The following RGCC variants were observed in gnomAD, a reference collection of about 807,000 sequenced individuals.
RGCC encodes the protein regulator of cell cycle.
A neutral mutation model predicts 15.4 loss-of-function variants in RGCC; 15 were observed. The observed-to-expected ratio is 0.97, with a 90% CI of 0.65 to 1.50. RGCC has a LOEUF of 1.50. RGCC is among the 40% of genes most tolerant of loss of function. The probability of loss-of-function intolerance (pLI) is 0.00; values close to 1 mark genes in which losing one functional copy is unlikely to be tolerated. For synonymous variants in RGCC, 81 were observed against 78.0 expected, an observed-to-expected ratio of 1.04 and a Z score of -0.20; for missense variants, 176 against 189.7, an observed-to-expected ratio of 0.93 and a Z score of 0.42.
At position 41,457,566 on chromosome 13, in the gene RGCC, G is replaced by A. The variant is rs1019425482; in HGVS notation, c.-142G>A. The A allele has an allele frequency of 2.2e-6, 3 of 1,364,742 alleles. No individual in the cohort carries two copies. The highest frequency in any genetic ancestry group is 3.2e-5 in the East Asian group (1 of 30,974). The allele number at this position is 1,364,742 out of a possible 1,614,324, so 84.5% of individuals were successfully genotyped here. On this transcript the variant is annotated 5_prime_UTR_variant, in exon 1 of 5. In the 5' UTR this introduces an upstream ATG that the reference lacks. Transcript: ENST00000379359. This position sits in a 1 kb window ranked among gnomAD's most constrained non-coding sequence, Gnocchi z 4.9. ...GCCGGTGGTAGGGCGGGCGCGGACC[G>A]TGCTGGGAGCGGCGCGGCTGGAGCG...
chr13:41,464,735 TG>T (rs1742889204), intron 2 of RGCC, among the ~76,000 whole-genome samples: 1 of 152,162 alleles, frequency 6.6e-6, no homozygotes, highest in Non-Finnish European at 1.5e-5. Flanking sequence ...AATGTATTTT[TG>T]GGGAAGTGTA....
At position 41,466,945 on chromosome 13, in the gene RGCC, T is replaced by G; in HGVS notation, c.343+15T>G. 3 of 1,588,830 alleles carry G rather than the reference T, an allele frequency of 1.9e-6. No homozygotes were observed. Among genetic ancestry groups the G allele is most frequent in the Non-Finnish European group, 2.6e-6 (3 of 1,157,252 alleles). Reference sequence around the variant, plus strand: ...TCCTCAGAAAGGTAAGGTCATTAGTTGGAATTTGAGTTTTTTGCTTTTTTA... The same window carrying G: ...TCCTCAGAAAGGTAAGGTCATTAGTGGGAATTTGAGTTTTTTGCTTTTTTA... On this transcript the variant is annotated intron_variant, in intron 3 of 4. Transcript: ENST00000379359.
At chr13:41,469,286 TAATAATAATAAGAAG>T (rs780398168) in intron 4 of RGCC, among the ~76,000 whole-genome samples, 11,763 of 113,498 alleles carry the variant, frequency 0.1, 646 homozygotes, top group Non-Finnish European at 0.14. Context: ...ATAATAATAA[TAATAATAATAAGAAG>T]AAGAAGAAGA....
intron 4 of RGCC, among the ~76,000 whole-genome samples, chr13:41,470,122 G>A (rs886301710): frequency 2.6e-5 from 4 of 151,762 alleles, no homozygotes; most frequent in Admixed American, 2.0e-4. Flanking sequence ...TAACACTCTT[G>A]CAGACAAACC....
At position 41,458,361 on chromosome 13, in the gene RGCC, C is replaced by A. The variant is rs762526698; in HGVS notation, c.126C>A (p.Phe42Leu). 16 of 1,593,602 alleles carry A rather than the reference C, an allele frequency of 1.0e-5. No homozygotes were observed. Among genetic ancestry groups the A allele is most frequent in the Non-Finnish European group, 1.3e-5 (15 of 1,176,034 alleles). Residue 42 changes from phenylalanine (F) to leucine (L), a missense_variant, in exon 2 of 5, where the codon TTC (phenylalanine) becomes TTA (leucine). Physicochemically the swap from Phe to Leu is conservative, Grantham distance 22. Coordinates refer to ENST00000379359, the MANE Select transcript of RGCC (RefSeq NM_014059.3). This position sits in a 1 kb window ranked among gnomAD's most constrained non-coding sequence, Gnocchi z 4.4. ...LCEFDAVLAD[F>L]ASPFHERHFH... Reference sequence around the variant, plus strand: ...AGTTTGACGCGGTGCTGGCCGACTTCGCGTCGCCCTTCCACGAGCGCCACT... The same window carrying A: ...AGTTTGACGCGGTGCTGGCCGACTTAGCGTCGCCCTTCCACGAGCGCCACT...
chr13:41,462,581 A>G (rs2043827089), intron 2 of RGCC, among the ~76,000 whole-genome samples: 1 of 152,156 alleles, frequency 6.6e-6, no homozygotes, highest in Non-Finnish European at 1.5e-5. Context: ...GGGTTCCCCA[A>G]ATTATCACTG....
rs1801470295 is a variant in RGCC, at chr13:41,458,610, C to T, written c.235+140C>T. On this transcript the variant is annotated intron_variant, in intron 2 of 4. Transcript: ENST00000379359. This position sits in a 1 kb window ranked among gnomAD's most constrained non-coding sequence, Gnocchi z 4.4. ...CTCAACGCAGTAGGCCGAGTGGTGG[C>T]GGGGCCCCTGACGATAATCACGGGA... 2 of 995,790 alleles carry T rather than the reference C, an allele frequency of 2.0e-6. No homozygotes were observed. Among genetic ancestry groups the T allele is most frequent in the African/African-American group, 1.6e-5 (1 of 60,924 alleles). 61.7% of individuals were successfully genotyped at this position (995,790 alleles called of 1,614,324 possible).
intron 4 of RGCC, 81 bp downstream of exon 4, chr13:41,468,919 C>A: frequency 1.8e-6 from 2 of 1,106,512 alleles, no homozygotes; most frequent in Non-Finnish European, 2.7e-6. Context: ...TGTTAACCAG[C>A]TTGCCCTGGG....
intron 4 of RGCC, among the ~76,000 whole-genome samples, chr13:41,469,295 T>TAATAATAAGAAG (rs869157194): frequency 2.2e-3 from 189 of 86,736 alleles, no homozygotes; most frequent in African/African-American, 6.5e-3. Context: ...ATAATAATAA[T>TAATAATAAGAAG]AAGAAGAAGA....
chr13:41,459,623 G>A (rs1014762523), intron 2 of RGCC, among the ~76,000 whole-genome samples: 1 of 152,256 alleles, frequency 6.6e-6, no homozygotes, highest in Admixed American at 6.5e-5. Flanking sequence ...CTGCCAAAGA[G>A]TTAGACCAAG....
chr13:41,460,141 T>C (rs1349223693), intron 2 of RGCC, among the ~76,000 whole-genome samples: 1 of 152,220 alleles, frequency 6.6e-6, no homozygotes, highest in Non-Finnish European at 1.5e-5. Flanking sequence ...ACCCTTAGTT[T>C]GGTGGTTAGA....
At chr13:41,460,323 T>C (rs1159741084) in intron 2 of RGCC, among the ~76,000 whole-genome samples, 2 of 152,352 alleles carry the variant, frequency 1.3e-5, no homozygotes, top group Middle Eastern at 3.4e-3. Flanking sequence ...TGCCAAGAAT[T>C]GAGTACAGAC....
rs1257483884 is a variant in RGCC at position 41,458,237 on chromosome 13, C to T, written c.50-48C>T. ...CCCTCCTGGCCCTGGGAGGTGGTCC[C>T]GCTGCCCCCCTGACTTCCGTGCACT... On this transcript the variant is annotated intron_variant, in intron 1 of 4. Transcript: ENST00000379359. The surrounding 1 kb of genome is among the most constrained non-coding windows in gnomAD (Gnocchi z 4.4). 1.4e-6 allele frequency: 2 copies of T among 1,468,434 alleles called. No homozygotes were observed. Among genetic ancestry groups the T allele is most frequent in the Admixed American group, 4.3e-5 (2 of 46,850 alleles). The allele number at this position is 1,468,434 out of a possible 1,614,324, so 91.0% of individuals were successfully genotyped here.
chr13:41,463,784 T>C (rs9532824), intron 2 of RGCC, among the ~76,000 whole-genome samples: 10,384 of 152,224 alleles, frequency 0.068, 395 homozygotes, highest in East Asian at 0.087. Flanking sequence ...CCAGGCCCCA[T>C]GAGTTATGCT....
chr13:41,458,309 C>T lies in RGCC; in HGVS notation c.74C>T (p.Ala25Val). ...AAAPALDSAA[A>V]EDLSDALCEF... ...GCCCCGGCCCTGGACTCGGCGGCCG[C>T]GGAGGACCTGTCGGACGCGCTGTGC... The change falls in exon 2 of 5, where the codon GCG becomes GTG. Residue 25 changes from alanine to valine, a missense_variant. Physicochemically the swap from Ala to Val is moderately conservative, Grantham distance 64 (BLOSUM62 0). Coordinates refer to ENST00000379359, the MANE Select transcript of RGCC (RefSeq NM_014059.3). This position sits in a 1 kb window ranked among gnomAD's most constrained non-coding sequence, Gnocchi z 4.4. 5 of 1,581,832 alleles carry T rather than the reference C, an allele frequency of 3.2e-6. No individual in the cohort carries two copies. The highest frequency in any genetic ancestry group is 1.7e-6 in the Non-Finnish European group (2 of 1,171,126).
At chr13:41,470,440 CCTCTGAGT>C (rs754422163) in intron 4 of RGCC, 30 bp from the exon 5 acceptor site, 2 of 1,608,572 alleles carry the variant, frequency 1.2e-6, no homozygotes, top group Non-Finnish European at 1.7e-6. Flanking sequence ...GAATTGTGAG[CCTCTGAGT>C]GGATAACCTT....
chr13:41,462,070 G>A (rs746133934), intron 2 of RGCC, among the ~76,000 whole-genome samples: 22 of 152,134 alleles, frequency 1.4e-4, no homozygotes, highest in Non-Finnish European at 2.1e-4. Context: ...TAGATTTTCA[G>A]GAGGAGAAGT....
chr13:41,459,879 C>T (rs1361460339), intron 2 of RGCC, among the ~76,000 whole-genome samples: 1 of 152,202 alleles, frequency 6.6e-6, no homozygotes, highest in African/African-American at 2.4e-5. Context: ...TGTGTCGCTG[C>T]TGCTCTGTGG....
chr13:41,465,500 G>A (rs906287209), intron 2 of RGCC, among the ~76,000 whole-genome samples: 7 of 152,094 alleles, frequency 4.6e-5, no homozygotes, highest in Non-Finnish European at 1.0e-4. Context: ...TGCCTTTAAG[G>A]ATTATTTAGT....
Sources: allele counts gnomAD v4.1 joint callset (sites outside exome capture counted in the v4.1 genomes callset), GRCh38; gene constraint gnomAD v4.1.1; non-coding constraint Gnocchi (gnomAD v3.1); transcripts MANE v1.5; gene names NCBI Gene and HGNC (gene_info 2026-07-23, HGNC 2026-07-21).